Variants in PRR16 observed in about 807,000 individuals in gnomAD.
PRR16 encodes the protein protein Largen.
In PRR16, 6 loss-of-function variants were observed where a neutral mutation model predicts 18.2. The ratio of observed to expected loss-of-function variants is 0.33; its 90% CI spans 0.18 to 0.65. The LOEUF (loss-of-function observed/expected upper bound fraction) is 0.65. Ranked by LOEUF, PRR16 falls within the 30% of genes least tolerant of loss-of-function variation. The pLI is 0.74. For synonymous variants in PRR16, 151 were observed against 147.8 expected (o/e 1.02, Z -0.16); for missense variants, 412 against 376.6 (o/e 1.09, Z -0.78).
At chr5:120,487,947 C>A (rs970523008) in intron 1 of PRR16, among the ~76,000 whole-genome samples, 2 of 152,062 alleles carry the variant, frequency 1.3e-5, no homozygotes, top group East Asian at 1.9e-4. Context: ...TGCTGGATTA[C>A]GTTTATTGAT....
downstream of PRR16, among the ~76,000 whole-genome samples, chr5:120,688,443 TTAA>T (rs1757172677): frequency 6.6e-6 from 1 of 152,190 alleles, no homozygotes; most frequent in Non-Finnish European, 1.5e-5. Flanking sequence ...ATCTGTATTA[TTAA>T]TATGTTTAAT....
At chr5:120,722,388 G>A in the PRR16 span, among the ~76,000 whole-genome samples, 1 of 151,982 alleles carries the variant, frequency 6.6e-6, no homozygotes, top group Non-Finnish European at 1.5e-5. Context: ...GATATATTAT[G>A]TTAAACTTTA....
intron 1 of PRR16, among the ~76,000 whole-genome samples, chr5:120,518,060 A>T (rs1395008356): frequency 6.6e-6 from 1 of 152,186 alleles, no homozygotes; most frequent in East Asian, 1.9e-4. Flanking sequence ...CTGGGCTTGA[A>T]ACTATCTTGT....
chr5:120,730,970 G>T, the PRR16 span, among the ~76,000 whole-genome samples: 2 of 152,060 alleles, frequency 1.3e-5, no homozygotes, highest in Non-Finnish European at 2.9e-5. Flanking sequence ...AGAGTTAATT[G>T]TTTGGTCATC....
At chr5:120,603,846 A>G (rs1051891155) in intron 1 of PRR16, among the ~76,000 whole-genome samples, 1 of 151,926 alleles carries the variant, frequency 6.6e-6, no homozygotes, top group Non-Finnish European at 1.5e-5. Flanking sequence ...TTTAATTTCA[A>G]TGTAATTATA....
intron 1 of PRR16, among the ~76,000 whole-genome samples, chr5:120,623,727 C>T (rs113509292): frequency 1.1e-3 from 162 of 152,150 alleles, no homozygotes; most frequent in African/African-American, 3.6e-3. Context: ...ATTCATTAGA[C>T]ATCCAGAGCA....
chr5:120,582,285 G>A (rs1334141541), intron 1 of PRR16, among the ~76,000 whole-genome samples: 2 of 152,030 alleles, frequency 1.3e-5, no homozygotes, highest in African/African-American at 4.8e-5. Flanking sequence ...TGGAAATATA[G>A]AAAGTGGAAT....
chr5:120,722,674 C>T, the PRR16 span, among the ~76,000 whole-genome samples: 1 of 151,972 alleles, frequency 6.6e-6, no homozygotes, highest in Non-Finnish European at 1.5e-5. Context: ...TTTCACTAAC[C>T]TGAGCAGTGT....
intron 1 of PRR16, among the ~76,000 whole-genome samples, chr5:120,670,628 A>G (rs971986685): frequency 6.6e-6 from 1 of 152,122 alleles, no homozygotes; most frequent in African/African-American, 2.4e-5. Flanking sequence ...CCCTTACTCC[A>G]TTAAGAATGC....
At chr5:120,494,905 G>A (rs1211257362) in intron 1 of PRR16, among the ~76,000 whole-genome samples, 1 of 151,828 alleles carries the variant, frequency 6.6e-6, no homozygotes, top group Non-Finnish European at 1.5e-5. Context: ...CCACCTTTTT[G>A]TTGTACTATT....
chr5:120,754,136 T>C, the PRR16 span, among the ~76,000 whole-genome samples: 1 of 44,210 alleles, frequency 2.3e-5, no homozygotes, highest in Non-Finnish European at 4.5e-5. Flanking sequence ...AATATTCCGC[T>C]TAATATATAA....
the PRR16 span, among the ~76,000 whole-genome samples, chr5:120,733,278 G>A: frequency 6.6e-6 from 1 of 152,028 alleles, no homozygotes; most frequent in Non-Finnish European, 1.5e-5. Flanking sequence ...AGCCTCCTGA[G>A]TTGCTGGAAC....
chr5:120,660,158 A>C (rs2150137845), intron 1 of PRR16, among the ~76,000 whole-genome samples: 1 of 152,192 alleles, frequency 6.6e-6, no homozygotes, highest in African/African-American at 2.4e-5. Context: ...GCAAACCAAG[A>C]ATTTTATAGT....
chr5:120,736,537 C>CTTTTTTTTTTTT, the PRR16 span, among the ~76,000 whole-genome samples: 3 of 54,020 alleles, frequency 5.6e-5, no homozygotes, highest in African/African-American at 1.6e-4. Flanking sequence ...AGTGTAAAGG[C>CTTTTTTTTTTTT]TTTTTTTTTT....
chr5:120,692,348 G>C, the PRR16 span, among the ~76,000 whole-genome samples: 8 of 152,164 alleles, frequency 5.3e-5, no homozygotes, highest in Non-Finnish European at 7.3e-5. Context: ...AGAATCTTTA[G>C]AGCAGGAGTC....
At chr5:120,728,051 C>A in the PRR16 span, among the ~76,000 whole-genome samples, 1 of 151,622 alleles carries the variant, frequency 6.6e-6, no homozygotes, top group Non-Finnish European at 1.5e-5. Flanking sequence ...TATAATATCA[C>A]ATGAAAAAAT....
At chr5:120,584,344 T>A (rs926277563) in intron 1 of PRR16, among the ~76,000 whole-genome samples, 1 of 152,186 alleles carries the variant, frequency 6.6e-6, no homozygotes, top group African/African-American at 2.4e-5. Flanking sequence ...TTATAAGCCT[T>A]ATGAGTTGGA....
intron 1 of PRR16, among the ~76,000 whole-genome samples, chr5:120,526,385 T>A (rs10057769): frequency 6.6e-6 from 1 of 152,086 alleles, no homozygotes; most frequent in African/African-American, 2.4e-5. Context: ...ATTTATGTTA[T>A]TTAAATATAA....
At chr5:120,645,328 A>T (rs1755551987) in intron 1 of PRR16, among the ~76,000 whole-genome samples, 1 of 151,822 alleles carries the variant, frequency 6.6e-6, no homozygotes. Flanking sequence ...ACACACACAG[A>T]CACATGCATA....
Sources: allele counts gnomAD v4.1 joint callset (sites outside exome capture counted in the v4.1 genomes callset), GRCh38; gene constraint gnomAD v4.1.1; transcripts MANE v1.5; gene names NCBI Gene and HGNC (gene_info 2026-07-23, HGNC 2026-07-21).